The following MTAP variants were observed in gnomAD, a reference collection of about 807,000 sequenced individuals.
MTAP encodes the protein S-methyl-5'-thioadenosine phosphorylase.
In MTAP, 33 loss-of-function variants were observed where a neutral mutation model predicts 33.6. The ratio of observed to expected loss-of-function variants is 0.98; its 90% CI spans 0.74 to 1.31. The LOEUF is 1.31. MTAP is among the 40% of genes most tolerant of loss of function. The pLI, the probability that MTAP is intolerant of heterozygous loss-of-function variation, is 0.00. For synonymous variants in MTAP, 148 were observed against 125.7 expected (o/e 1.18, Z -1.19); for missense variants, 367 against 360.0 (o/e 1.02, Z -0.16).
At chr9:21,856,854 G>C (rs1316891172) in intron 6 of MTAP, among the ~76,000 whole-genome samples, 5 of 152,198 alleles carry the variant, frequency 3.3e-5, no homozygotes. Context: ...TGCTCCATTT[G>C]CTTGTCACAT....
rs368549403 is a variant in MTAP, at chr9:21,861,178, A to G, written c.814-798A>G. The G allele has an allele frequency of 4.6e-5, 7 of 152,358 alleles. No individual in the cohort carries two copies. In the East Asian group the frequency reaches 1.3e-3, roughly 29 times the overall value. The allele number at this position is 152,358 out of a possible 1,614,324, so 9.4% of individuals were successfully genotyped here. A position where few individuals can be genotyped will look rare whatever the true frequency, so the allele number is the denominator to read the frequency against. ...GTTTTAGCTTTATTTTTAAGTAAAA[A>G]TGCTTGAAGAGTAGAAATCAGTGTT... is the stretch of plus-strand genomic sequence containing the variant. On this transcript the variant is annotated intron_variant, in intron 7 of 7. Coordinates refer to ENST00000644715, the MANE Select transcript of MTAP (RefSeq NM_002451.4).
At chr9:21,825,663 C>T (rs934173999) in intron 4 of MTAP, among the ~76,000 whole-genome samples, 4 of 152,120 alleles carry the variant, frequency 2.6e-5, no homozygotes, top group African/African-American at 4.8e-5. Context: ...CATAGTGAGA[C>T]CTTGTCTCTG....
chr9:21,823,087 G>A (rs888957468), intron 4 of MTAP, among the ~76,000 whole-genome samples: 1 of 152,128 alleles, frequency 6.6e-6, no homozygotes, highest in Non-Finnish European at 1.5e-5. Flanking sequence ...TATCCAATTT[G>A]CCAGTCTGTG....
At chr9:21,926,862 C>T (rs1187298869) in intron 1 of MTAP, among the ~76,000 whole-genome samples, 1 of 152,152 alleles carries the variant, frequency 6.6e-6, no homozygotes, top group Non-Finnish European at 1.5e-5. Flanking sequence ...ATCCTGATCC[C>T]ACAGAGAACA....
At chr9:21,918,890 TGGG>T (rs1563870994) in intron 1 of MTAP, among the ~76,000 whole-genome samples, 1 of 152,160 alleles carries the variant, frequency 6.6e-6, no homozygotes, top group Non-Finnish European at 1.5e-5. Context: ...TACCCAGTCT[TGGG>T]GGTGTCTTTA....
chr9:21,863,316 G>A lies in MTAP; in HGVS notation c.*1302G>A. 1.0e-6 allele frequency: 1 copy of A among 984,488 alleles called. No homozygotes were observed. The highest frequency in any genetic ancestry group is 1.2e-6 in the Non-Finnish European group (1 of 829,164). 61.0% of individuals were successfully genotyped at this position (984,488 alleles called of 1,614,324 possible). On this transcript the variant is annotated 3_prime_UTR_variant, in exon 8 of 8. Coordinates refer to ENST00000644715, the MANE Select transcript of MTAP (RefSeq NM_002451.4). Reference sequence around the variant, plus strand: ...TTTTTTATTGTTATTTTATAGAAATGCTTTTTGTTGGCCGGGCACAGTTGC... The same window carrying A: ...TTTTTTATTGTTATTTTATAGAAATACTTTTTGTTGGCCGGGCACAGTTGC...
intron 4 of MTAP, among the ~76,000 whole-genome samples, chr9:21,832,104 T>G (rs1824981787): frequency 6.6e-6 from 1 of 152,236 alleles, no homozygotes; most frequent in South Asian, 2.1e-4. Flanking sequence ...GATTATTTCT[T>G]CAACTTATTT....
intron 6 of MTAP, 76 bp from the exon 7 acceptor site, chr9:21,859,227 G>A (rs1048393117): frequency 2.6e-6 from 4 of 1,535,778 alleles, no homozygotes; most frequent in East Asian, 2.3e-5. Flanking sequence ...TAGCAAGGCT[G>A]GAGCTCAGAA....
chr9:21,860,330 C>G (rs1218317472), intron 7 of MTAP: 1 of 152,156 alleles, frequency 6.6e-6, no homozygotes, highest in Non-Finnish European at 1.5e-5. Flanking sequence ...TAATGTGAAG[C>G]CACTGATGAG....
At chr9:21,861,805 A>C (rs1238017258) in intron 7 of MTAP, 171 bp from the exon 8 acceptor site, 65 of 619,892 alleles carry the variant, frequency 1.0e-4, no homozygotes, top group Non-Finnish European at 9.3e-5. Context: ...GAGTACCCGA[A>C]GTTCCACATC....
chr9:21,807,569 G>A (rs573146084), intron 1 of MTAP, among the ~76,000 whole-genome samples: 3 of 152,144 alleles, frequency 2.0e-5, no homozygotes, highest in Admixed American at 2.0e-4. Context: ...AATGCCAGTA[G>A]CACTCCCCCT....
At chr9:21,820,401 T>A (rs1210154750) in intron 4 of MTAP, among the ~76,000 whole-genome samples, 3 of 152,250 alleles carry the variant, frequency 2.0e-5, no homozygotes, top group Non-Finnish European at 4.4e-5. Flanking sequence ...AAATAGGGAA[T>A]CCTTTCCCCA....
chr9:21,904,051 GA>G (rs113259225), intron 1 of MTAP, among the ~76,000 whole-genome samples: 34 of 152,306 alleles, frequency 2.2e-4, no homozygotes, highest in African/African-American at 7.9e-4. Flanking sequence ...CCAGAAAGGA[GA>G]ATGGTTTTCC....
intron 1 of MTAP, among the ~76,000 whole-genome samples, chr9:21,910,362 A>G (rs1362645691): frequency 6.6e-6 from 1 of 152,222 alleles, no homozygotes. Context: ...GAAAGTGAAG[A>G]TGAAAAAAAT....
Position 21,802,663 on chromosome 9 carries a change from A to G in MTAP, c.-86A>G. ...CCGCACTGCTCACTCCCGCGCAGTG[A>G]GGTTGGCACAGCCACCGCTCTGTGG... On this transcript the variant is annotated 5_prime_UTR_variant, in exon 1 of 8. Coordinates refer to ENST00000644715, the MANE Select transcript of MTAP (RefSeq NM_002451.4). 1 of 1,500,278 alleles carries G rather than the reference A, an allele frequency of 6.7e-7. No individual in the cohort carries two copies. The highest frequency in any genetic ancestry group is 9.2e-7 in the Non-Finnish European group (1 of 1,085,234). 92.9% of individuals were successfully genotyped at this position (1,500,278 alleles called of 1,614,324 possible).
chr9:21,821,729 A>G (rs1336658841), intron 4 of MTAP, among the ~76,000 whole-genome samples: 1 of 152,178 alleles, frequency 6.6e-6, no homozygotes, highest in East Asian at 1.9e-4. Flanking sequence ...CCTCTGGTAG[A>G]ATTCGGCTGT....
chr9:21,804,240 C>A (rs1824146112), intron 1 of MTAP, among the ~76,000 whole-genome samples: 1 of 152,060 alleles, frequency 6.6e-6, no homozygotes, highest in African/African-American at 2.4e-5. Flanking sequence ...GATCTTTTCC[C>A]CAAAAATTAT....
In MTAP at chr9:21,855,320, A is replaced by C. The variant is rs1432670168; in HGVS notation, c.690+450A>C. On this transcript the variant is annotated intron_variant, in intron 6 of 7. Coordinates refer to ENST00000644715, the MANE Select transcript of MTAP (RefSeq NM_002451.4). Reference sequence around the variant, plus strand: ...ATAGAAATGTGACAACAAACAGAGAAGTCCTTAAGGAGCCGACATTCTGTC... The same window carrying C: ...ATAGAAATGTGACAACAAACAGAGACGTCCTTAAGGAGCCGACATTCTGTC... Among the ~76,000 whole-genome samples, 6 of 152,244 alleles carry C rather than the reference A, an allele frequency of 3.9e-5. No homozygotes were observed. The East Asian group carries it at 1.2e-3, about 29-fold the overall frequency.
chr9:21,900,421 A>G (rs1818372067), intron 1 of MTAP, among the ~76,000 whole-genome samples: 1 of 152,210 alleles, frequency 6.6e-6, no homozygotes, highest in African/African-American at 2.4e-5. Context: ...AAAAATGCTC[A>G]ACATCACTAA....
Sources: allele counts gnomAD v4.1 joint callset (sites outside exome capture counted in the v4.1 genomes callset), GRCh38; gene constraint gnomAD v4.1.1; transcripts MANE v1.5; gene names NCBI Gene and HGNC (gene_info 2026-07-23, HGNC 2026-07-21).